TG: variants seen among roughly 807,000 people sequenced by gnomAD.
The protein encoded by TG is thyroglobulin.
A neutral mutation model predicts 324.7 loss-of-function variants in TG; 270 were observed. That is an observed-to-expected ratio of 0.83 (90% CI 0.75 to 0.92). The LOEUF (loss-of-function observed/expected upper bound fraction) is 0.92. Ranked by LOEUF, TG falls within the 40% of genes least tolerant of loss-of-function variation. The probability of loss-of-function intolerance (pLI) is 0.00; values close to 1 mark genes in which losing one functional copy is unlikely to be tolerated. For missense variants in TG, 3,591 were observed against 3,456.4 expected, an observed-to-expected ratio of 1.04 and a Z score of -0.98; for synonymous variants, 1,401 against 1,327.0, an observed-to-expected ratio of 1.06 and a Z score of -1.21.
At chr8:132,931,041 A>G (rs1411067928) in intron 23 of TG, among the ~76,000 whole-genome samples, 2 of 152,168 alleles carry the variant, frequency 1.3e-5, no homozygotes. Flanking sequence ...GGGGGACTTA[A>G]ACAACAAAAT....
At chr8:132,935,038 C>G (rs774889035) in intron 24 of TG, among the ~76,000 whole-genome samples, 7 of 152,120 alleles carry the variant, frequency 4.6e-5, no homozygotes, top group African/African-American at 1.7e-4. Flanking sequence ...TACTGAATTA[C>G]TGAACCTAGT....
Position 132,886,474 on chromosome 8 carries a change from A to G in TG, c.1102A>G (p.Arg368Gly). Reference protein sequence around the residue: ...CAEGQSCASERQQALSRLYFG... With the variant: ...CAEGQSCASEGQQALSRLYFG... ...TGAAGGCCAATCTTGTGCCTCCGAA[A>G]GGCAGCAGGCCTTGTCCAGACTCTA... The change falls in exon 9 of 48, where the codon AGG becomes GGG. Residue 368 changes from arginine to glycine, a missense_variant. Arg to Gly is a moderately radical substitution (Grantham distance 125). Coordinates refer to ENST00000220616, the MANE Select transcript of TG (RefSeq NM_003235.5). 6.2e-7 allele frequency: 1 copy of G among 1,614,196 alleles called. No homozygotes were observed. The highest frequency in any genetic ancestry group is 8.5e-7 in the Non-Finnish European group (1 of 1,180,040).
chr8:132,945,511 T>C (rs1032600923), intron 26 of TG, among the ~76,000 whole-genome samples: 1 of 152,066 alleles, frequency 6.6e-6, no homozygotes, highest in African/African-American at 2.4e-5. Flanking sequence ...ATCCAAAAAA[T>C]GTCAGCTGAG....
At chr8:133,063,520 C>T (rs1460254130) in intron 41 of TG, 1 of 151,612 alleles carries the variant, frequency 6.6e-6, no homozygotes, top group South Asian at 2.1e-4. Context: ...AAAAAAAAAG[C>T]CTTTAAACTT....
chr8:133,011,762 G>C, intron 35 of TG, 139 bp from the exon 36 acceptor site: 1 of 1,009,840 alleles, frequency 9.9e-7, no homozygotes. Flanking sequence ...GATGGATCAA[G>C]CTATAAGGTT....
rs143112122 is a variant in TG, at chr8:132,943,729, T to A, written c.5233+2187T>A. 2.0e-5 allele frequency among the ~76,000 whole-genome samples: 3 copies of A among 152,306 alleles called. No homozygotes were observed. The East Asian group carries it at 5.8e-4, about 29-fold the overall frequency. ...AGCCAGACCCTGCAAGCTGAGACCC[T>A]GTCTCACCCCCAAACTGCTTCTACC... On this transcript the variant is annotated intron_variant, in intron 26 of 47. Transcript: ENST00000220616.
At chr8:132,995,289 T>C (rs1832766313) in intron 35 of TG, 2 of 984,110 alleles carry the variant, frequency 2.0e-6, no homozygotes, top group Non-Finnish European at 2.4e-6. Flanking sequence ...CTTAGCCTAC[T>C]ACCCACCACA....
chr8:133,104,467 A>G (rs920946677), intron 43 of TG, among the ~76,000 whole-genome samples: 30 of 152,220 alleles, frequency 2.0e-4, no homozygotes, highest in African/African-American at 7.2e-4. Context: ...AGGGTTGCAG[A>G]CATGGTCACA....
At position 133,134,326 on chromosome 8, in the gene TG, G is replaced by C. The variant is rs1459800839; in HGVS notation, c.8189-350G>C. 4.6e-5 allele frequency among the ~76,000 whole-genome samples: 7 copies of C among 152,116 alleles called. No individual in the cohort carries two copies. The East Asian group carries it at 9.7e-4, about 21-fold the overall frequency. On this transcript the variant is annotated intron_variant, in intron 47 of 47. Coordinates refer to ENST00000220616, the MANE Select transcript of TG (RefSeq NM_003235.5). The stretch of plus-strand genomic sequence containing the variant: ...AGGGTCCCCAGGAGAGGTGATGCTG[G>C]GCTGTGGTTTTTAGAATGACAGGAG...
intron 20 of TG, among the ~76,000 whole-genome samples, chr8:132,915,327 TC>T (rs1352964332): frequency 9.9e-5 from 15 of 152,194 alleles, no homozygotes; most frequent in African/African-American, 3.6e-4. Context: ...TTCCTTTCCA[TC>T]CCCCACAACA....
At chr8:132,931,575 G>A (rs1822725148) in intron 23 of TG, among the ~76,000 whole-genome samples, 1 of 152,132 alleles carries the variant, frequency 6.6e-6, no homozygotes, top group Non-Finnish European at 1.5e-5. Flanking sequence ...GGTGTGAGGG[G>A]AAGCTATGGT....
intron 35 of TG, among the ~76,000 whole-genome samples, chr8:133,003,968 T>C (rs1833796469): frequency 6.6e-6 from 1 of 152,226 alleles, no homozygotes; most frequent in Non-Finnish European, 1.5e-5. Flanking sequence ...GGACAGTTCA[T>C]CTCAATGAAG....
At chr8:132,949,344 G>A (rs1825785579) in intron 27 of TG, among the ~76,000 whole-genome samples, 1 of 152,238 alleles carries the variant, frequency 6.6e-6, no homozygotes, top group Non-Finnish European at 1.5e-5. Flanking sequence ...GGAGAAATAA[G>A]CAAGGCCTCT....
intron 37 of TG, among the ~76,000 whole-genome samples, chr8:133,014,688 G>C (rs1340881068): frequency 6.6e-6 from 1 of 152,196 alleles, no homozygotes; most frequent in East Asian, 1.9e-4. Flanking sequence ...TGCTGTCCTA[G>C]AGCATTGACA....
intron 41 of TG, among the ~76,000 whole-genome samples, chr8:133,051,980 G>A (rs920789725): frequency 2.0e-5 from 3 of 152,148 alleles, no homozygotes; most frequent in South Asian, 2.1e-4. Flanking sequence ...CTGCTTTCAC[G>A]GAGCTCATGT....
chr8:133,055,855 C>T (rs2131281875), intron 41 of TG, among the ~76,000 whole-genome samples: 1 of 92,710 alleles, frequency 1.1e-5, no homozygotes, highest in African/African-American at 5.0e-5. Flanking sequence ...GCAGCAGCAG[C>T]AGCAGCAGCA....
At chr8:132,915,625 C>T (rs1344669339) in intron 20 of TG, among the ~76,000 whole-genome samples, 1 of 152,174 alleles carries the variant, frequency 6.6e-6, no homozygotes, top group African/African-American at 2.4e-5. Flanking sequence ...CTGTAAAGGG[C>T]CAGATGGCGA....
At chr8:133,003,776 C>T (rs1833780165) in intron 35 of TG, among the ~76,000 whole-genome samples, 1 of 152,114 alleles carries the variant, frequency 6.6e-6, no homozygotes, top group Admixed American at 6.5e-5. Flanking sequence ...CATCATCCCT[C>T]CCAGACCCTT....
chr8:133,067,215 G>A (rs1456411046), intron 41 of TG, among the ~76,000 whole-genome samples: 2 of 152,122 alleles, frequency 1.3e-5, no homozygotes, highest in Admixed American at 6.5e-5. Flanking sequence ...GGGGGCTGCC[G>A]AGGCCACTTA....
Sources: allele counts gnomAD v4.1 joint callset (sites outside exome capture counted in the v4.1 genomes callset), GRCh38; gene constraint gnomAD v4.1.1; transcripts MANE v1.5; gene names NCBI Gene and HGNC (gene_info 2026-07-23, HGNC 2026-07-21).